Variants in PHF20 observed in about 807,000 individuals in gnomAD.
PHF20 encodes the protein glioma-expressed antigen 2.
Under a neutral mutation model 113.5 loss-of-function variants are expected in PHF20, and 23 were observed. The ratio of observed to expected loss-of-function variants is 0.20; its 90% CI spans 0.15 to 0.29. The LOEUF (loss-of-function observed/expected upper bound fraction) is 0.29, where lower values mean the gene tolerates loss of function less well. Ranked by LOEUF, PHF20 falls within the 10% of genes least tolerant of loss-of-function variation. The probability of loss-of-function intolerance (pLI) is 1.00; values close to 1 mark genes in which losing one functional copy is unlikely to be tolerated. For synonymous variants in PHF20, 434 were observed against 457.3 expected (o/e 0.95, Z 0.65); for missense variants, 943 against 1,219.6 (o/e 0.77, Z 3.38).
At chr20:35,846,132 A>C (rs1481538014) in intron 3 of PHF20, among the ~76,000 whole-genome samples, 7 of 151,304 alleles carry the variant, frequency 4.6e-5, no homozygotes, top group Non-Finnish European at 2.9e-5. Flanking sequence ...TTTCCCAATT[A>C]AGGATTATTC....
At chr20:35,879,466 A>G (rs1382392192) in intron 9 of PHF20, among the ~76,000 whole-genome samples, 7 of 152,222 alleles carry the variant, frequency 4.6e-5, no homozygotes, top group Non-Finnish European at 8.8e-5. Context: ...AGGTAAATGA[A>G]CACTGTTTAA....
At chr20:35,844,416 G>GTTTTTTTTTTTTT (rs1568641913) in intron 3 of PHF20, among the ~76,000 whole-genome samples, 1 of 73,804 alleles carries the variant, frequency 1.4e-5, no homozygotes, top group Non-Finnish European at 2.6e-5. Flanking sequence ...TTTTTTTTTT[G>GTTTTTTTTTTTTT]GTTTTTTTTT....
chr20:35,920,150 C>G (rs1426990869), intron 13 of PHF20, among the ~76,000 whole-genome samples: 1 of 152,206 alleles, frequency 6.6e-6, no homozygotes, highest in Admixed American at 6.5e-5. Flanking sequence ...ATCCCTAACC[C>G]TGGAAACACT....
intron 2 of PHF20, among the ~76,000 whole-genome samples, chr20:35,817,790 T>C (rs1443664851): frequency 6.6e-6 from 1 of 151,708 alleles, no homozygotes; most frequent in Non-Finnish European, 1.5e-5. Flanking sequence ...AGTGATACCC[T>C]GTCTCAAAAA....
intron 10 of PHF20, among the ~76,000 whole-genome samples, chr20:35,913,011 A>G (rs2055335852): frequency 6.6e-6 from 1 of 152,180 alleles, no homozygotes; most frequent in South Asian, 2.1e-4. Flanking sequence ...CACGTAACCA[A>G]TGAACATGGC....
chr20:35,925,107 A>G (rs2147103096), intron 13 of PHF20, among the ~76,000 whole-genome samples: 1 of 152,128 alleles, frequency 6.6e-6, no homozygotes, highest in Non-Finnish European at 1.5e-5. Context: ...TGCTCGTACA[A>G]TTCTATTTTA....
intron 5 of PHF20, 130 bp from the exon 6 acceptor site, chr20:35,862,883 C>A: frequency 1.2e-6 from 1 of 827,792 alleles, no homozygotes; most frequent in Non-Finnish European, 1.9e-6. Flanking sequence ...GTCAGTGGTG[C>A]TTTGTATATG....
intron 9 of PHF20, among the ~76,000 whole-genome samples, chr20:35,885,745 T>C (rs147053882): frequency 1.3e-5 from 2 of 152,096 alleles, no homozygotes; most frequent in Non-Finnish European, 2.9e-5. Context: ...TTACCTAAGG[T>C]AGTATCTACC....
chr20:35,927,672 C>T, intron 13 of PHF20, 108 bp from the exon 14 acceptor site: 2 of 826,206 alleles, frequency 2.4e-6, no homozygotes, highest in Non-Finnish European at 4.2e-6. Flanking sequence ...GCTCCTTCCT[C>T]CCCTCTCCTT....
intron 1 of PHF20, among the ~76,000 whole-genome samples, chr20:35,786,574 C>T (rs542407303): frequency 1.3e-5 from 2 of 151,082 alleles, no homozygotes; most frequent in South Asian, 2.1e-4. Context: ...TGGTGGTGCA[C>T]GCCTGTAGTT....
intron 4 of PHF20, among the ~76,000 whole-genome samples, chr20:35,851,479 C>T (rs969165914): frequency 3.3e-5 from 5 of 152,094 alleles, no homozygotes; most frequent in African/African-American, 1.2e-4. Flanking sequence ...GTGTGAACAG[C>T]TTTGTAGAAA....
At chr20:35,919,485 G>A (rs1195321850) in intron 13 of PHF20, among the ~76,000 whole-genome samples, 3 of 151,766 alleles carry the variant, frequency 2.0e-5, no homozygotes, top group Non-Finnish European at 4.4e-5. Flanking sequence ...GACTATAGGC[G>A]CCTGCCACCA....
At chr20:35,824,480 G>T (rs974440380) in intron 2 of PHF20, among the ~76,000 whole-genome samples, 1 of 151,810 alleles carries the variant, frequency 6.6e-6, no homozygotes, top group African/African-American at 2.4e-5. Flanking sequence ...GGTGGCATGT[G>T]CCTGTAGTCC....
chr20:35,849,531 C>G (rs1443485557), intron 4 of PHF20: 1 of 469,210 alleles, frequency 2.1e-6, no homozygotes, highest in East Asian at 7.0e-5. Flanking sequence ...TGGGATGGAT[C>G]AGAAACTCTT....
intron 4 of PHF20, among the ~76,000 whole-genome samples, chr20:35,847,920 G>C (rs1425108807): frequency 6.6e-6 from 1 of 152,188 alleles, no homozygotes; most frequent in Non-Finnish European, 1.5e-5. Context: ...TGCCAGAGTT[G>C]AACATGTGAA....
intron 9 of PHF20, among the ~76,000 whole-genome samples, chr20:35,884,945 C>T (rs2051441032): frequency 6.6e-6 from 1 of 152,174 alleles, no homozygotes; most frequent in Admixed American, 6.5e-5. Context: ...ATTCTCCTGT[C>T]TCTGCCTCCC....
chr20:35,798,595 C>T (rs1015148610), intron 1 of PHF20, among the ~76,000 whole-genome samples: 9 of 150,828 alleles, frequency 6.0e-5, no homozygotes, highest in African/African-American at 2.2e-4. Context: ...GCTGGAATTA[C>T]AGGCATGTGC....
intron 17 of PHF20, among the ~76,000 whole-genome samples, chr20:35,942,256 CCT>C (rs2055996702): frequency 6.6e-6 from 1 of 151,902 alleles, no homozygotes; most frequent in Admixed American, 6.6e-5. Context: ...TAACACAGAC[CCT>C]GTCTCTAAAA....
intron 1 of PHF20, among the ~76,000 whole-genome samples, chr20:35,778,621 C>A (rs1424655569): frequency 6.6e-6 from 1 of 151,954 alleles, no homozygotes; most frequent in African/African-American, 2.4e-5. Flanking sequence ...GGCGTGGTGG[C>A]AGGTGCCTGT....
Sources: allele counts gnomAD v4.1 joint callset (sites outside exome capture counted in the v4.1 genomes callset), GRCh38; gene constraint gnomAD v4.1.1; transcripts MANE v1.5; gene names NCBI Gene and HGNC (gene_info 2026-07-23, HGNC 2026-07-21).